TMEM117: variants seen among roughly 807,000 people sequenced by gnomAD.
The protein encoded by TMEM117 is transmembrane protein 117.
TMEM117 carries 27 observed loss-of-function variants against 52.4 expected under a neutral mutation model. That is an observed-to-expected ratio of 0.51 (90% CI 0.38 to 0.71). The LOEUF is 0.71. Ranked by LOEUF, TMEM117 falls within the 30% of genes least tolerant of loss-of-function variation. TMEM117 has a pLI of 0.00. For synonymous variants in TMEM117, 215 were observed against 206.3 expected, an observed-to-expected ratio of 1.04 and a Z score of -0.36; for missense variants, 556 against 630.5, an observed-to-expected ratio of 0.88 and a Z score of 1.26.
intron 5 of TMEM117, among the ~76,000 whole-genome samples, chr12:44,275,277 CT>C (rs1313861342): frequency 1.3e-5 from 2 of 151,986 alleles, no homozygotes; most frequent in Non-Finnish European, 2.9e-5. Flanking sequence ...AAAATGGTTT[CT>C]ATCCAAACGA....
chr12:44,299,888 T>C (rs1022609846), intron 6 of TMEM117, 149 bp downstream of exon 6: 1 of 1,092,274 alleles, frequency 9.2e-7, no homozygotes, highest in Non-Finnish European at 1.3e-6. Flanking sequence ...TATTTTCAGC[T>C]ATTATACTGG....
chr12:44,057,094 G>A (rs1419409175), intron 3 of TMEM117, among the ~76,000 whole-genome samples: 1 of 152,150 alleles, frequency 6.6e-6, no homozygotes, highest in Non-Finnish European at 1.5e-5. Context: ...TCTTCCATTT[G>A]TGTAACTTTA....
intron 2 of TMEM117, 121 bp from the exon 3 acceptor site, chr12:43,944,089 C>T: frequency 1.3e-6 from 1 of 791,058 alleles, no homozygotes; most frequent in Non-Finnish European, 2.0e-6. Context: ...ACTCATAAGG[C>T]AGTCTTATGG....
chr12:43,996,904 A>C (rs1036883130), intron 3 of TMEM117, among the ~76,000 whole-genome samples: 15 of 152,168 alleles, frequency 9.9e-5, no homozygotes, highest in African/African-American at 3.1e-4. Flanking sequence ...TTCACTGGGC[A>C]TATTTGTTGG....
chr12:44,159,794 T>C (rs1486587105), intron 4 of TMEM117, among the ~76,000 whole-genome samples: 3 of 152,182 alleles, frequency 2.0e-5, no homozygotes, highest in Admixed American at 1.3e-4. Context: ...GTTGAAAACA[T>C]CAGCAGAATG....
intron 2 of TMEM117, among the ~76,000 whole-genome samples, chr12:43,894,069 A>G (rs1006338154): frequency 3.9e-5 from 6 of 152,196 alleles, no homozygotes; most frequent in Non-Finnish European, 5.9e-5. Flanking sequence ...TGACATACCA[A>G]TACTTCCATG....
At chr12:44,337,168 G>T (rs139511163) in intron 6 of TMEM117, among the ~76,000 whole-genome samples, 1 of 152,004 alleles carries the variant, frequency 6.6e-6, no homozygotes, top group Non-Finnish European at 1.5e-5. Flanking sequence ...AGGGAGGCTG[G>T]GACGTTCAAG....
intron 2 of TMEM117, among the ~76,000 whole-genome samples, chr12:43,855,556 A>C (rs1943386319): frequency 6.6e-6 from 1 of 152,252 alleles, no homozygotes; most frequent in Non-Finnish European, 1.5e-5. Flanking sequence ...TATATTATGC[A>C]AATCATTAAG....
intron 4 of TMEM117, among the ~76,000 whole-genome samples, chr12:44,198,280 G>A (rs1949447452): frequency 6.6e-6 from 1 of 152,150 alleles, no homozygotes; most frequent in African/African-American, 2.4e-5. Context: ...ATATAGTACA[G>A]TATTTACATA....
chr12:44,050,269 T>A (rs1164642507), intron 3 of TMEM117, among the ~76,000 whole-genome samples: 3 of 152,320 alleles, frequency 2.0e-5, no homozygotes, highest in East Asian at 3.9e-4. Context: ...CTCTGCCTCC[T>A]GGGCTTAAGT....
intron 6 of TMEM117, among the ~76,000 whole-genome samples, chr12:44,334,194 A>T (rs1182630908): frequency 6.6e-6 from 1 of 152,070 alleles, no homozygotes; most frequent in South Asian, 2.1e-4. Context: ...ATGATTTCAA[A>T]TCCTATTCAT....
intron 4 of TMEM117, among the ~76,000 whole-genome samples, chr12:44,167,329 C>A (rs957306141): frequency 2.0e-5 from 3 of 152,140 alleles, no homozygotes; most frequent in Non-Finnish European, 4.4e-5. Context: ...CACTGCACTC[C>A]TTTTGCCCCA....
At chr12:44,296,615 C>T (rs1390563447) in intron 5 of TMEM117, among the ~76,000 whole-genome samples, 1 of 152,170 alleles carries the variant, frequency 6.6e-6, no homozygotes, top group Non-Finnish European at 1.5e-5. Flanking sequence ...AGTTAAAGGG[C>T]TCTTTCAGCA....
Position 44,125,547 on chromosome 12 carries a change from G to T in TMEM117, c.411-17978G>T, listed in dbSNP as rs539933745. ...CTGATGGTTGTTTTTATTTTTATGGGGTCAGTGGTGACATTCCCCCTTATC... is the reference window on the plus strand; with the variant it reads ...CTGATGGTTGTTTTTATTTTTATGGTGTCAGTGGTGACATTCCCCCTTATC... On this transcript the variant is annotated intron_variant, in intron 3 of 7. Transcript: ENST00000266534. 5.9e-5 allele frequency among the ~76,000 whole-genome samples: 9 copies of T among 151,930 alleles called. No homozygotes were observed. In the East Asian group the frequency reaches 1.5e-3, roughly 26 times the overall value.
At chr12:44,119,624 C>T (rs1948200789) in intron 3 of TMEM117, among the ~76,000 whole-genome samples, 1 of 152,104 alleles carries the variant, frequency 6.6e-6, no homozygotes, top group Admixed American at 6.5e-5. Context: ...AGTGTGGTGA[C>T]TCACACCCCA....
chr12:44,330,487 A>T (rs1951254936), intron 6 of TMEM117, among the ~76,000 whole-genome samples: 1 of 152,050 alleles, frequency 6.6e-6, no homozygotes, highest in Non-Finnish European at 1.5e-5. Context: ...TATTTAACCC[A>T]ATTAAAATAT....
At chr12:44,039,110 G>A (rs1227624317) in intron 3 of TMEM117, among the ~76,000 whole-genome samples, 2 of 152,076 alleles carry the variant, frequency 1.3e-5, no homozygotes, top group Non-Finnish European at 2.9e-5. Flanking sequence ...TTCCTCTATG[G>A]ATTGTGTGTT....
At chr12:44,265,167 T>C (rs189123995) in intron 5 of TMEM117, among the ~76,000 whole-genome samples, 1 of 152,074 alleles carries the variant, frequency 6.6e-6, no homozygotes, top group Non-Finnish European at 1.5e-5. Context: ...GAACACTATA[T>C]AACGAGAAGC....
intron 3 of TMEM117, among the ~76,000 whole-genome samples, chr12:44,012,395 TG>T (rs1396512076): frequency 6.6e-6 from 1 of 151,638 alleles, no homozygotes; most frequent in Non-Finnish European, 1.5e-5. Flanking sequence ...TTTCTGTTTT[TG>T]TTTTTTTTTT....
Sources: gnomAD v4.1 joint callset for allele counts (sites outside exome capture counted in the v4.1 genomes callset) on GRCh38, gnomAD v4.1.1 for gene constraint, MANE v1.5 for transcripts, NCBI Gene and HGNC (gene_info 2026-07-23, HGNC 2026-07-21) for gene names.